Variants in CD1D observed in about 807,000 individuals in gnomAD.
CD1D encodes CD1d molecule.
CD1D carries 40 observed loss-of-function variants against 42.1 expected under a neutral mutation model. The observed-to-expected ratio is 0.95, with a 90% confidence interval of 0.74 to 1.24. CD1D has a LOEUF of 1.24. Ranked by LOEUF, CD1D falls within the 50% of genes most tolerant of loss-of-function variation. The probability of loss-of-function intolerance (pLI) is 0.00; values close to 1 mark genes in which losing one functional copy is unlikely to be tolerated. For synonymous variants in CD1D, 178 were observed against 171.8 expected (o/e 1.04, Z -0.28); for missense variants, 437 against 416.5 (o/e 1.05, Z -0.43).
Position 158,185,533 on chromosome 1 carries a change from T to TA in CD1D, c.*1389dup, listed in dbSNP as rs551622465. On this transcript the variant is annotated 3_prime_UTR_variant, in exon 6 of 6. Coordinates refer to ENST00000674085, the MANE Select transcript of CD1D (RefSeq NM_001371762.2). ...GTGAGACCCTGTCTCTACAAAAAAT[T>TA]AAAAAACTAGCCACCCATGGTGGTG... 5.4e-4 allele frequency among the ~76,000 whole-genome samples: 82 copies of TA among 151,914 alleles called. 1 individual carries two copies. The highest frequency in any genetic ancestry group is 3.4e-3 in the Middle Eastern group (1 of 294).
At position 158,184,284 on chromosome 1, in the gene CD1D, GAA is replaced by G. The variant is rs1365527962; in HGVS notation, c.*135_*136del. ...AGGAGAGATACCTTGAAAAAGTAGAGAACAGTCATGAGGCAGCTTTCATCACA... is the reference window on the plus strand; with the variant it reads ...AGGAGAGATACCTTGAAAAAGTAGAGCAGTCATGAGGCAGCTTTCATCACA... On this transcript the variant is annotated 3_prime_UTR_variant, in exon 6 of 6. Transcript: ENST00000674085. The G allele has an allele frequency of 1.2e-6, 1 of 843,684 alleles. No homozygotes were observed. Among genetic ancestry groups the G allele is most frequent in the Non-Finnish European group, 1.9e-6 (1 of 518,436 alleles). 52.3% of individuals were successfully genotyped at this position (843,684 alleles called of 1,614,324 possible). A position where few individuals can be genotyped will look rare whatever the true frequency, so the allele number is the denominator to read the frequency against.
At chr1:158,181,853 C>A in intron 2 of CD1D, 132 bp downstream of exon 2, 1 of 1,370,276 alleles carries the variant, frequency 7.3e-7, no homozygotes, top group Non-Finnish European at 1.0e-6. Context: ...TCCCTTCTAC[C>A]TGGAGATGTC....
upstream of CD1D, among the ~76,000 whole-genome samples, chr1:158,178,439 C>T (rs1430132414): frequency 6.6e-6 from 1 of 152,156 alleles, no homozygotes; most frequent in Non-Finnish European, 1.5e-5. Flanking sequence ...ATCCTTTGTA[C>T]ATTAAATGGT....
upstream of CD1D, among the ~76,000 whole-genome samples, chr1:158,178,128 T>A (rs752490418): frequency 1.3e-5 from 2 of 152,232 alleles, no homozygotes; most frequent in Non-Finnish European, 1.5e-5. Context: ...ATCTCCAGGT[T>A]ACTGTGGTTT....
Position 158,182,042 on chromosome 1 carries a change from G to A in CD1D, c.339G>A (p.Glu113=), listed in dbSNP as rs1648454597. ...AKMLRLSYPL[E]LQVSAGCEVH... Reference sequence around the variant, plus strand: ...CATTCCTCTCCACAGATCCCTTGGAGCTCCAGGTGTCCGCTGGCTGTGAGG... The same window carrying A: ...CATTCCTCTCCACAGATCCCTTGGAACTCCAGGTGTCCGCTGGCTGTGAGG... The change falls in exon 3 of 6, where the codon GAG becomes GAA. Residue 113 remains glutamate, a synonymous_variant. Coordinates refer to ENST00000674085, the MANE Select transcript of CD1D (RefSeq NM_001371762.2). 6.2e-7 allele frequency: 1 copy of A among 1,607,272 alleles called. No homozygotes were observed. The highest frequency in any genetic ancestry group is 1.3e-5 in the African/African-American group (1 of 74,602).
chr1:158,184,020 G>T lies in CD1D; in HGVS notation c.971G>T (p.Arg324Leu). The change falls in exon 5 of 6, where the codon CGG becomes CTG. Residue 324 changes from arginine to leucine, a missense_variant. Arg to Leu is a moderately radical substitution (Grantham distance 102). Transcript: ENST00000674085. ...LFLLIVGFTS[R>L]FKRQTSYQGV... ...CTCCTCATTGTGGGCTTTACCTCCC[G>T]GTTTAAGAGGCAAACGTAAGTCTCC... 1 of 1,614,026 alleles carries T rather than the reference G, an allele frequency of 6.2e-7. No homozygotes were observed. Among genetic ancestry groups the T allele is most frequent in the Non-Finnish European group, 8.5e-7 (1 of 1,179,958 alleles).
Position 158,182,199 on chromosome 1 carries a change from C to A in CD1D, c.496C>A (p.Leu166Ile), listed in dbSNP as rs569192974. The A allele has an allele frequency of 1.2e-6, 2 of 1,614,200 alleles. No individual in the cohort carries two copies. The highest frequency in any genetic ancestry group is 3.3e-5 in the Admixed American group (2 of 60,030). ...PLWVNLAIQVLNQDKWTRETV... is the reference protein window; with the variant it reads ...PLWVNLAIQVINQDKWTRETV... ...TTGGGTAAACTTGGCCATTCAAGTGCTCAACCAGGACAAGTGGACGAGGGA... is the reference window on the plus strand; with the variant it reads ...TTGGGTAAACTTGGCCATTCAAGTGATCAACCAGGACAAGTGGACGAGGGA... Residue 166 changes from leucine to isoleucine, a missense_variant, in exon 3 of 6, where the codon CTC becomes ATC. By Grantham distance (5) the Leu-to-Ile change is conservative (BLOSUM62 2). Coordinates refer to ENST00000674085, the MANE Select transcript of CD1D (RefSeq NM_001371762.2).
chr1:158,183,274 G>T, intron 4 of CD1D, 118 bp downstream of exon 4: 2 of 1,231,630 alleles, frequency 1.6e-6, no homozygotes, highest in Non-Finnish European at 1.1e-6. Context: ...CAGAGATGAG[G>T]CCCCCAGTAA....
chr1:158,183,486 AGCAAAGATAGCTTGGTTGGTTGAG>A (rs1648555848), intron 4 of CD1D, among the ~76,000 whole-genome samples: 1 of 152,244 alleles, frequency 6.6e-6, no homozygotes, highest in Non-Finnish European at 1.5e-5. Context: ...AAGGCAGGTT[AGCAAAGATAGCTTGGTTGGTTGAG>A]TGCTCCCTGT....
rs2101582724 is a variant in CD1D at position 158,183,930 on chromosome 1, G to A, written c.887-6G>A. 6.2e-7 allele frequency: 1 copy of A among 1,612,478 alleles called. No individual in the cohort carries two copies. On this transcript the variant is annotated splice_region_variant and splice_polypyrimidine_tract_variant and intron_variant, in intron 4 of 5. Transcript: ENST00000674085. ...CTGAGAGACAGCCTATGTTCCTCCA[G>A]AGCAGGTGGGAGCTACACCTCCATG... is the stretch of plus-strand genomic sequence containing the variant.
upstream of CD1D, among the ~76,000 whole-genome samples, chr1:158,178,853 T>C (rs1350117621): frequency 6.6e-6 from 1 of 152,236 alleles, no homozygotes; most frequent in African/African-American, 2.4e-5. Flanking sequence ...CATAATTCAA[T>C]GGTTCCTTTC....
rs1002753053 is a variant in CD1D, at chr1:158,181,079, G to C, written c.-23G>C. Reference sequence around the variant, plus strand: ...AGAGGGCGGCGCGCAGCGGCGCTCCGCGAGGTCCCCACGCCGGGCGATATG... The same window carrying C: ...AGAGGGCGGCGCGCAGCGGCGCTCCCCGAGGTCCCCACGCCGGGCGATATG... On this transcript the variant is annotated 5_prime_UTR_variant, in exon 1 of 6. Coordinates refer to ENST00000674085, the MANE Select transcript of CD1D (RefSeq NM_001371762.2). 3.2e-6 allele frequency: 5 copies of C among 1,538,928 alleles called. No homozygotes were observed. The African/African-American group carries it at 6.9e-5, about 21-fold the overall frequency.
chr1:158,180,536 C>A (rs1024486235), upstream of CD1D, among the ~76,000 whole-genome samples: 1 of 152,140 alleles, frequency 6.6e-6, no homozygotes, highest in East Asian at 1.9e-4. Flanking sequence ...TCTCAATGTG[C>A]AACTGAGGAA....
chr1:158,182,791 G>C (rs954053272), intron 3 of CD1D, 87 bp from the exon 4 acceptor site: 4 of 1,454,816 alleles, frequency 2.7e-6, no homozygotes, highest in African/African-American at 1.4e-5. Context: ...ATAAAGACCT[G>C]AAAGTCAAAA....
At chr1:158,183,879 G>T (rs1571068521) in intron 4 of CD1D, 57 bp from the exon 5 acceptor site, 1 of 1,338,396 alleles carries the variant, frequency 7.5e-7, no homozygotes, top group Non-Finnish European at 1.1e-6. Context: ...CCAGGGGATT[G>T]GATATATGTA....
In CD1D at chr1:158,180,973, C is replaced by T; in HGVS notation, c.-129C>T. On this transcript the variant is annotated 5_prime_UTR_variant, in exon 1 of 6. Coordinates refer to ENST00000674085, the MANE Select transcript of CD1D (RefSeq NM_001371762.2). ...CGGCAAGCCCAGCGAGGAGGGCTGC[C>T]GGGGTCTGGGCTTGGGAATTGGCTG... is the stretch of plus-strand genomic sequence containing the variant. 1 of 796,482 alleles carries T rather than the reference C, an allele frequency of 1.3e-6. No individual in the cohort carries two copies. The highest frequency in any genetic ancestry group is 1.8e-6 in the Non-Finnish European group (1 of 545,832). The allele number at this position is 796,482 out of a possible 1,614,324, so 49.3% of individuals were successfully genotyped here.
At chr1:158,180,182 C>T (rs1298789451), upstream of CD1D, 1 of 152,136 alleles carries the variant, frequency 6.6e-6, no homozygotes, top group African/African-American at 2.4e-5. Flanking sequence ...GGCTTAGAAC[C>T]ACGATTTTTG....
Position 158,181,149 on chromosome 1 carries a change from G to A in CD1D, c.48G>A (p.Trp16Ter). The change falls in exon 1 of 6, where the codon TGG becomes TGA. Residue 16 changes from tryptophan (W) to a stop codon, truncating the protein, a stop_gained. Transcript: ENST00000674085. LOFTEE classifies it high-confidence loss of function. ...TGCTCTGGGCGCTCCTCCAGGCTTG[G>A]GGAAGCGCTGAAGGTGGGTGGAACG... ...FLLLWALLQA[W>*]GSAEVPQRLF... The A allele has an allele frequency of 6.5e-7, 1 of 1,549,464 alleles. No individual in the cohort carries two copies. Among genetic ancestry groups the A allele is most frequent in the Non-Finnish European group, 8.7e-7 (1 of 1,146,600 alleles).
At position 158,182,814 on chromosome 1, in the gene CD1D, G is replaced by C; in HGVS notation, c.608-64G>C. 4 of 1,524,526 alleles carry C rather than the reference G, an allele frequency of 2.6e-6. No individual in the cohort carries two copies. In the South Asian group the frequency reaches 5.1e-5, roughly 19 times the overall value. The allele number at this position is 1,524,526 out of a possible 1,614,324, so 94.4% of individuals were successfully genotyped here. On this transcript the variant is annotated intron_variant, in intron 3 of 5. Transcript: ENST00000674085. ...CTGAAAGTCAAAAAGGATGATATGA[G>C]GCCTGGAGCCTCTAATGCAGAGTTT...
Sources: allele counts gnomAD v4.1 joint callset (sites outside exome capture counted in the v4.1 genomes callset), GRCh38; gene constraint gnomAD v4.1.1; transcripts MANE v1.5; gene names NCBI Gene and HGNC (gene_info 2026-07-23, HGNC 2026-07-21).